DAPK1: variants seen among roughly 807,000 people sequenced by gnomAD.
The protein encoded by DAPK1 is death-associated protein kinase 1.
In DAPK1, 56 loss-of-function variants were observed where a neutral mutation model predicts 144.9. The observed-to-expected ratio is 0.39, with a 90% CI of 0.31 to 0.48. The LOEUF (loss-of-function observed/expected upper bound fraction) is 0.48. Among genes scored for constraint, DAPK1 ranks in the 20% least tolerant of loss-of-function variants. DAPK1 has a pLI of 0.95. For missense variants in DAPK1, 1,454 were observed against 1,875.4 expected, an observed-to-expected ratio of 0.78 and a Z score of 4.15; for synonymous variants, 690 against 749.0, an observed-to-expected ratio of 0.92 and a Z score of 1.29.
chr9:87,659,831 G>A (rs549936806), intron 18 of DAPK1, among the ~76,000 whole-genome samples: 4 of 150,480 alleles, frequency 2.7e-5, no homozygotes, highest in Admixed American at 6.6e-5. Flanking sequence ...CACCGCACCC[G>A]CAGTCACTCC....
chr9:87,700,338 T>C, intron 24 of DAPK1, 101 bp downstream of exon 24: 1 of 865,786 alleles, frequency 1.2e-6, no homozygotes, highest in Non-Finnish European at 1.9e-6. Context: ...GTAAGAGGTG[T>C]CTGCCTGGAC....
intron 3 of DAPK1, among the ~76,000 whole-genome samples, chr9:87,614,478 T>C (rs953692694): frequency 6.6e-6 from 1 of 152,158 alleles, no homozygotes; most frequent in African/African-American, 2.4e-5. Flanking sequence ...ATTCTTAGAC[T>C]CCTTCCCAGG....
intron 20 of DAPK1, among the ~76,000 whole-genome samples, chr9:87,684,738 A>T (rs967692706): frequency 6.6e-6 from 1 of 151,930 alleles, no homozygotes; most frequent in Non-Finnish European, 1.5e-5. Flanking sequence ...CCCGGTGACC[A>T]GGTAAAGTGG....
At chr9:87,675,781 G>T (rs1440053162) in intron 19 of DAPK1, among the ~76,000 whole-genome samples, 1 of 148,912 alleles carries the variant, frequency 6.7e-6, no homozygotes, top group East Asian at 2.0e-4. Flanking sequence ...TACCAGGGAG[G>T]CTCCTACTCC....
At position 87,689,772 on chromosome 9, in the gene DAPK1, C is replaced by A. The variant is rs117499790; in HGVS notation, c.2413+3033C>A. Among the ~76,000 whole-genome samples the A allele has an allele frequency of 0.01, 1,533 of 152,178 alleles. 73 individuals are homozygous for A. In the East Asian group the frequency reaches 0.14, roughly 14 times the overall value. ...TTTATTTACAAGGGTGTTCTTTTCC[C>A]CAGTATGTGTTCTTATTGCCTCTGT... On this transcript the variant is annotated intron_variant, in intron 21 of 25. Transcript: ENST00000408954.
At chr9:87,596,381 G>T (rs529909597) in intron 2 of DAPK1, among the ~76,000 whole-genome samples, 1 of 152,174 alleles carries the variant, frequency 6.6e-6, no homozygotes, top group Admixed American at 6.5e-5. Flanking sequence ...CTGCTTCACC[G>T]CAGAGACTGG....
At chr9:87,677,777 T>C (rs1824450953) in intron 19 of DAPK1, among the ~76,000 whole-genome samples, 1 of 152,176 alleles carries the variant, frequency 6.6e-6, no homozygotes, top group African/African-American at 2.4e-5. Flanking sequence ...TGCTCATGCA[T>C]GGCATGGTGT....
chr9:87,685,109 A>T (rs1824789088), intron 20 of DAPK1, among the ~76,000 whole-genome samples: 1 of 152,360 alleles, frequency 6.6e-6, no homozygotes, highest in Admixed American at 6.5e-5. Context: ...CTAAAATGGC[A>T]GCTATGTTGA....
intron 2 of DAPK1, among the ~76,000 whole-genome samples, chr9:87,569,574 G>A (rs777971547): frequency 5.3e-5 from 8 of 152,156 alleles, no homozygotes; most frequent in Non-Finnish European, 1.5e-5. Flanking sequence ...GGCTCAAAAC[G>A]TGTGATTACC....
At chr9:87,504,495 G>A (rs1824516615) in intron 2 of DAPK1, among the ~76,000 whole-genome samples, 1 of 152,154 alleles carries the variant, frequency 6.6e-6, no homozygotes, top group Non-Finnish European at 1.5e-5. Context: ...CGGGAAGCCA[G>A]GGAACATGGA....
chr9:87,552,715 C>A (rs1018529465), intron 2 of DAPK1, among the ~76,000 whole-genome samples: 1 of 151,858 alleles, frequency 6.6e-6, no homozygotes, highest in Non-Finnish European at 1.5e-5. Flanking sequence ...CCTCAGCCTC[C>A]CAAGTAGCTA....
chr9:87,701,543 G>C (rs1825452288), intron 24 of DAPK1, among the ~76,000 whole-genome samples: 2 of 152,178 alleles, frequency 1.3e-5, no homozygotes, highest in African/African-American at 4.8e-5. Context: ...GCTTTGGACA[G>C]ATAAATGGTC....
At chr9:87,541,055 A>G (rs74945004) in intron 2 of DAPK1, among the ~76,000 whole-genome samples, 1 of 152,258 alleles carries the variant, frequency 6.6e-6, no homozygotes, top group East Asian at 1.9e-4. Context: ...AGATTCCTCA[A>G]ACAGTAATAT....
intron 9 of DAPK1, among the ~76,000 whole-genome samples, chr9:87,641,073 G>A (rs1830077907): frequency 6.6e-6 from 1 of 152,148 alleles, no homozygotes; most frequent in Non-Finnish European, 1.5e-5. Flanking sequence ...ACTGAAGAAG[G>A]TCAAGCCCAC....
At chr9:87,592,034 T>C (rs1410351882) in intron 2 of DAPK1, among the ~76,000 whole-genome samples, 1 of 152,188 alleles carries the variant, frequency 6.6e-6, no homozygotes, top group Non-Finnish European at 1.5e-5. Context: ...CCATTTCCTT[T>C]AGGCCCCATT....
At chr9:87,651,267 T>C (rs1039189177) in intron 16 of DAPK1, among the ~76,000 whole-genome samples, 3 of 152,230 alleles carry the variant, frequency 2.0e-5, no homozygotes, top group African/African-American at 7.2e-5. Context: ...TATCTGATTG[T>C]ACTGCTGAAG....
chr9:87,696,462 C>G (rs36218441), intron 21 of DAPK1, among the ~76,000 whole-genome samples: 4 of 152,244 alleles, frequency 2.6e-5, no homozygotes, highest in Admixed American at 2.6e-4. Context: ...ATACTTGAGA[C>G]AGGGTAATTG....
chr9:87,699,199 C>T (rs139007298), intron 23 of DAPK1, among the ~76,000 whole-genome samples: 149 of 152,240 alleles, frequency 9.8e-4, no homozygotes, highest in African/African-American at 3.5e-3. Flanking sequence ...ACAATGAATC[C>T]ACATAGTAAA....
Position 87,706,431 on chromosome 9 carries a change from G to C in DAPK1, c.3360G>C (p.Glu1120Asp). 1.2e-6 allele frequency: 2 copies of C among 1,613,456 alleles called. No individual in the cohort carries two copies. Among genetic ancestry groups the C allele is most frequent in the African/African-American group, 1.3e-5 (1 of 75,036 alleles). The change falls in exon 26 of 26, where the codon GAG (glutamate) becomes GAC (aspartate). Residue 1120 changes from glutamate (E) to aspartate (D), a missense_variant. By Grantham distance (45) the Glu-to-Asp change is conservative. Around this residue, in one of 2 missense-constraint regions of DAPK1, gnomAD observed 1,025 missense variants for 1,237.9 expected, o/e 0.83. Transcript: ENST00000408954. This position sits in a 1 kb window ranked among gnomAD's most constrained non-coding sequence, Gnocchi z 9.0. The part of the protein sequence containing the change: ...DNLHRSWADE[E>D]DEVMVYGGVR... ...TGCACCGCTCCTGGGCTGATGAGGAGGACGAGGTGATGGTGTATGGTGGCG... is the reference window on the plus strand; with the variant it reads ...TGCACCGCTCCTGGGCTGATGAGGACGACGAGGTGATGGTGTATGGTGGCG...
Sources: gnomAD v4.1 joint callset for allele counts (sites outside exome capture counted in the v4.1 genomes callset) on GRCh38, gnomAD v4.1.1 for gene constraint, gnomAD v4.1.1 regional missense constraint, Gnocchi (gnomAD v3.1) non-coding constraint, MANE v1.5 for transcripts, NCBI Gene and HGNC (gene_info 2026-07-23, HGNC 2026-07-21) for gene names.